ZDHHC11B: variants seen among roughly 807,000 people sequenced by gnomAD.
ZDHHC11B encodes the protein probable palmitoyltransferase ZDHHC11B.
ZDHHC11B carries 17 observed loss-of-function variants against 42.3 expected under a neutral mutation model. That is an observed-to-expected ratio of 0.40 (90% CI 0.27 to 0.60). The LOEUF (loss-of-function observed/expected upper bound fraction) is 0.60. Among genes scored for constraint, ZDHHC11B ranks in the 20% least tolerant of loss-of-function variants. The pLI is 0.41. For synonymous variants in ZDHHC11B, 123 were observed against 193.5 expected (o/e 0.64, Z 3.02); for missense variants, 262 against 463.2 (o/e 0.57, Z 3.99).
At chr5:713,317 A>T (rs1346694789) in intron 13 of ZDHHC11B, among the ~76,000 whole-genome samples, 1 of 151,942 alleles carries the variant, frequency 6.6e-6, no homozygotes, top group Admixed American at 6.6e-5. Context: ...CATAAGTTTT[A>T]TTTGGTGTTT....
rs1744640040 is a variant in ZDHHC11B at position 745,240 on chromosome 5, T to C, written c.843A>G (p.Ser281=). The change falls in exon 9 of 14, where the codon TCA becomes TCG. Residue 281 remains serine, a synonymous_variant. Transcript: ENST00000508859. ...GATCTTTCCTCACTGCTTGATGTTT[T>C]GAACTCTCTTCTTTGCGGGTATTAA... ...YLINTRKEES[S]KHQAVRKDPY... is the part of the protein sequence containing the mutation. 1 of 1,608,442 alleles carries C rather than the reference T, an allele frequency of 6.2e-7. No homozygotes were observed. The highest frequency in any genetic ancestry group is 1.3e-5 in the African/African-American group (1 of 74,346).
At chr5:752,648 G>A (rs565870336) in intron 6 of ZDHHC11B, among the ~76,000 whole-genome samples, 57 of 97,554 alleles carry the variant, frequency 5.8e-4, no homozygotes, top group African/African-American at 1.6e-3. Flanking sequence ...CCTTCCCCGC[G>A]CTCCTCCTCC....
intron 12 of ZDHHC11B, among the ~76,000 whole-genome samples, chr5:719,040 T>C (rs1283963686): frequency 2.0e-5 from 3 of 151,840 alleles, no homozygotes; most frequent in Non-Finnish European, 4.4e-5. Flanking sequence ...AGCTAGATAT[T>C]TGAGGAAATC....
chr5:717,161 T>C (rs1372660306), intron 12 of ZDHHC11B, among the ~76,000 whole-genome samples: 2 of 151,224 alleles, frequency 1.3e-5, no homozygotes, highest in African/African-American at 4.9e-5. Flanking sequence ...CTTGTTTGGA[T>C]TTCCAGCATG....
chr5:758,901 T>C (rs1368878164), intron 4 of ZDHHC11B, among the ~76,000 whole-genome samples: 2 of 151,854 alleles, frequency 1.3e-5, no homozygotes, highest in Non-Finnish European at 2.9e-5. Context: ...GACCTTAATT[T>C]GGCTATGTTT....
At chr5:726,089 G>C (rs1433735505) in intron 12 of ZDHHC11B, among the ~76,000 whole-genome samples, 3 of 146,406 alleles carry the variant, frequency 2.0e-5, no homozygotes, top group Admixed American at 6.8e-5. Context: ...GCAAAACGCA[G>C]ACCAGAATAT....
chr5:757,409 G>A (rs1734016612), intron 4 of ZDHHC11B, among the ~76,000 whole-genome samples: 1 of 151,968 alleles, frequency 6.6e-6, no homozygotes, highest in South Asian at 2.1e-4. Flanking sequence ...CCAGGGGGCT[G>A]CTGTCCCTCC....
chr5:715,730 T>C (rs1741700451), intron 13 of ZDHHC11B, among the ~76,000 whole-genome samples: 2 of 151,428 alleles, frequency 1.3e-5, no homozygotes, highest in African/African-American at 4.9e-5. Context: ...TTCAAGGTGA[T>C]GTCTATTCCC....
chr5:777,539 T>C (rs376541352), intron 1 of ZDHHC11B, among the ~76,000 whole-genome samples: 113 of 151,928 alleles, frequency 7.4e-4, no homozygotes, highest in African/African-American at 2.5e-3. Flanking sequence ...GAGAAGAGAA[T>C]GGAGTCAGGT....
In ZDHHC11B at chr5:711,743, C is replaced by T. The variant is rs1741393767; in HGVS notation, c.*547G>A. On this transcript the variant is annotated 3_prime_UTR_variant, in exon 14 of 14. Coordinates refer to ENST00000508859, the MANE Select transcript of ZDHHC11B (RefSeq NM_001351303.2). The stretch of plus-strand genomic sequence containing the variant: ...TACTTTGTGCTCCCATTTCCCAGCA[C>T]TGTGCTCCCATTTCCCATTACTGTG... 1 of 156,622 alleles carries T rather than the reference C, an allele frequency of 6.4e-6. No individual in the cohort carries two copies. The highest frequency in any genetic ancestry group is 6.6e-5 in the Admixed American group (1 of 15,182). 9.7% of individuals were successfully genotyped at this position (156,622 alleles called of 1,614,324 possible). A position where few individuals can be genotyped will look rare whatever the true frequency, so the allele number is the denominator to read the frequency against.
At chr5:730,971 T>TA (rs1264619014) in intron 11 of ZDHHC11B, among the ~76,000 whole-genome samples, 5 of 151,884 alleles carry the variant, frequency 3.3e-5, no homozygotes, top group African/African-American at 1.2e-4. Flanking sequence ...TGTGAGAAAA[T>TA]ACATTTCTTG....
intron 11 of ZDHHC11B, chr5:731,976 T>A (rs1162110535): frequency 6.6e-6 from 1 of 152,260 alleles, no homozygotes; most frequent in African/African-American, 2.4e-5. Context: ...GCACCTTCCA[T>A]TTAGGCCAAA....
chr5:724,371 A>ATTTTTT (rs386402805), intron 12 of ZDHHC11B, among the ~76,000 whole-genome samples: 998 of 81,414 alleles, frequency 0.012, 30 homozygotes, highest in Non-Finnish European at 0.018. Flanking sequence ...AACCCAGCTA[A>ATTTTTT]TTTTTTTTTT....
intron 1 of ZDHHC11B, among the ~76,000 whole-genome samples, chr5:778,261 C>T (rs1203172123): frequency 1.3e-5 from 2 of 151,790 alleles, no homozygotes; most frequent in African/African-American, 2.4e-5. Flanking sequence ...GAATAGAGAT[C>T]CCGGCTGGCT....
intron 6 of ZDHHC11B, among the ~76,000 whole-genome samples, chr5:753,111 G>A (rs1376787126): frequency 7.8e-6 from 1 of 128,090 alleles, no homozygotes; most frequent in Non-Finnish European, 1.7e-5. Flanking sequence ...GGACACCAGC[G>A]CCGCCTGCCT....
At chr5:730,252 CA>C (rs1189308752) in intron 12 of ZDHHC11B, among the ~76,000 whole-genome samples, 181 bp downstream of exon 12, 1 of 151,810 alleles carries the variant, frequency 6.6e-6, no homozygotes, top group Non-Finnish European at 1.5e-5. Flanking sequence ...ATAATTTTTT[CA>C]AGTAAGATCA....
intron 12 of ZDHHC11B, among the ~76,000 whole-genome samples, chr5:717,780 C>A (rs1741866652): frequency 6.6e-6 from 1 of 151,768 alleles, no homozygotes; most frequent in Non-Finnish European, 1.5e-5. Context: ...CTGGAAGAGA[C>A]CCCCAGGAAT....
rs529490678 is a variant in ZDHHC11B, at chr5:764,702, C to T, written c.222+1996G>A. ...CCAGTGAGCACCGTCCCCTGCTCTG[C>T]GGCACCCGGTCCCATCCACCACCCA... is the stretch of plus-strand genomic sequence containing the variant. On this transcript the variant is annotated intron_variant, in intron 4 of 13. Coordinates refer to ENST00000508859, the MANE Select transcript of ZDHHC11B (RefSeq NM_001351303.2). 3.0e-4 allele frequency among the ~76,000 whole-genome samples: 45 copies of T among 151,996 alleles called. 2 individuals are homozygous for T. Among genetic ancestry groups the T allele is most frequent in the Admixed American group, 2.1e-3 (32 of 15,246 alleles).
intron 12 of ZDHHC11B, among the ~76,000 whole-genome samples, chr5:719,971 A>G (rs1742061750): frequency 6.6e-6 from 1 of 151,794 alleles, no homozygotes. Context: ...TGCAGTATAC[A>G]CTATCTGCCC....
Sources: allele counts gnomAD v4.1 joint callset (sites outside exome capture counted in the v4.1 genomes callset), GRCh38; gene constraint gnomAD v4.1.1; transcripts MANE v1.5; gene names NCBI Gene and HGNC (gene_info 2026-07-23, HGNC 2026-07-21).